TBC1D21: variants seen among roughly 807,000 people sequenced by gnomAD.
TBC1D21 encodes TBC1 domain family member 21, also known as male germ cell Rab GTPase-activating protein.
TBC1D21 carries 38 observed loss-of-function variants against 46.0 expected under a neutral mutation model. The observed-to-expected ratio is 0.83, with a 90% confidence interval of 0.64 to 1.08. The LOEUF (loss-of-function observed/expected upper bound fraction) is 1.08, where lower values mean the gene tolerates loss of function less well. TBC1D21 is among the 50% of genes least tolerant of loss of function. The pLI, the probability that TBC1D21 is intolerant of heterozygous loss-of-function variation, is 0.00. For synonymous variants in TBC1D21, 151 were observed against 157.2 expected, an observed-to-expected ratio of 0.96 and a Z score of 0.29; for missense variants, 415 against 417.9, an observed-to-expected ratio of 0.99 and a Z score of 0.06.
In TBC1D21 at chr15:73,884,777, C is replaced by T. The variant is rs768627858; in HGVS notation, c.368-4C>T. ...CACCTACTTGCCCCTTGCTTCCAAC[C>T]TAGCACGTGACATTCAGAAAATCTA... On this transcript the variant is annotated splice_polypyrimidine_tract_variant and splice_region_variant and intron_variant, in intron 4 of 10. Coordinates refer to ENST00000300504, the MANE Select transcript of TBC1D21 (RefSeq NM_153356.3). 50 of 1,612,554 alleles carry T rather than the reference C, an allele frequency of 3.1e-5. No homozygotes were observed. Among genetic ancestry groups the T allele is most frequent in the Admixed American group, 1.0e-4 (6 of 59,936 alleles).
the TBC1D21 span, among the ~76,000 whole-genome samples, chr15:73,904,229 G>T: frequency 2.0e-5 from 3 of 152,288 alleles, no homozygotes; most frequent in African/African-American, 7.2e-5. Flanking sequence ...AACTAACCAG[G>T]TTGGAGTGGG....
At chr15:73,878,534 T>C (rs2068102411) in intron 1 of TBC1D21, among the ~76,000 whole-genome samples, 1 of 152,222 alleles carries the variant, frequency 6.6e-6, no homozygotes, top group African/African-American at 2.4e-5. Flanking sequence ...GCATCTGAAA[T>C]ATGAAATACT....
Position 73,881,757 on chromosome 15 carries a change from T to G in TBC1D21, c.272+10T>G. The G allele has an allele frequency of 6.2e-7, 1 of 1,611,602 alleles. No homozygotes were observed. Among genetic ancestry groups the G allele is most frequent in the South Asian group, 1.1e-5 (1 of 90,964 alleles). ...TGGACAGCATGAGGAGGTAGAACAC[T>G]CCAGACCCTGCTGGGACAGGAGGGG... On this transcript the variant is annotated intron_variant, in intron 3 of 10. Coordinates refer to ENST00000300504, the MANE Select transcript of TBC1D21 (RefSeq NM_153356.3).
the TBC1D21 span, among the ~76,000 whole-genome samples, chr15:73,902,928 T>C: frequency 6.6e-6 from 1 of 152,196 alleles, no homozygotes; most frequent in African/African-American, 2.4e-5. Flanking sequence ...GTCTGGCAGC[T>C]GGTGGGGTGA....
At chr15:73,899,836 T>A in the TBC1D21 span, among the ~76,000 whole-genome samples, 1 of 151,788 alleles carries the variant, frequency 6.6e-6, no homozygotes, top group Admixed American at 6.6e-5. Flanking sequence ...GTAAGTGGGG[T>A]AATTAAAAAC....
At chr15:73,888,855 G>T (rs914330118) in intron 10 of TBC1D21, among the ~76,000 whole-genome samples, 14 of 152,142 alleles carry the variant, frequency 9.2e-5, no homozygotes, top group African/African-American at 3.4e-4. Flanking sequence ...CATGCATGTT[G>T]CTCCTCATGG....
chr15:73,884,395 A>T, intron 4 of TBC1D21, 150 bp downstream of exon 4: 1 of 739,728 alleles, frequency 1.4e-6, no homozygotes, highest in South Asian at 1.6e-5. Flanking sequence ...AACCTTGGTT[A>T]ATCCACCCCA....
the TBC1D21 span, among the ~76,000 whole-genome samples, chr15:73,895,971 G>A: frequency 8.5e-5 from 13 of 152,342 alleles, no homozygotes; most frequent in African/African-American, 2.9e-4. Flanking sequence ...GGATGATGGA[G>A]GTGGTGGAGG....
intron 1 of TBC1D21, among the ~76,000 whole-genome samples, chr15:73,875,405 G>A (rs2068044061): frequency 6.6e-6 from 1 of 152,158 alleles, no homozygotes; most frequent in Admixed American, 6.5e-5. Flanking sequence ...GTGGCTATGA[G>A]TATTCAGAGA....
the TBC1D21 span, among the ~76,000 whole-genome samples, chr15:73,894,335 A>G: frequency 6.6e-6 from 1 of 152,122 alleles, no homozygotes; most frequent in Non-Finnish European, 1.5e-5. Context: ...CTGAAGCCCC[A>G]CCGATGGGCC....
intron 1 of TBC1D21, among the ~76,000 whole-genome samples, chr15:73,879,901 T>C (rs943315257): frequency 6.6e-6 from 1 of 151,856 alleles, no homozygotes; most frequent in African/African-American, 2.4e-5. Context: ...GTTGTTGTTG[T>C]TGTTAGAGAT....
At chr15:73,901,497 T>G in the TBC1D21 span, among the ~76,000 whole-genome samples, 3 of 152,256 alleles carry the variant, frequency 2.0e-5, no homozygotes, top group Non-Finnish European at 4.4e-5. Context: ...TTTCCATGGC[T>G]GCTGTAACGA....
chr15:73,898,235 G>A, the TBC1D21 span, among the ~76,000 whole-genome samples: 1 of 152,262 alleles, frequency 6.6e-6, no homozygotes, highest in African/African-American at 2.4e-5. Flanking sequence ...TGTGGCACAG[G>A]GTGCAGCTGT....
chr15:73,894,090 G>A (rs1489469190), downstream of TBC1D21, among the ~76,000 whole-genome samples: 1 of 152,212 alleles, frequency 6.6e-6, no homozygotes, highest in Non-Finnish European at 1.5e-5. Context: ...GGAACCTGAG[G>A]CACTGGGTTA....
rs554219515 is a variant in TBC1D21, at chr15:73,888,828, G to A, written c.979-241G>A. Among the ~76,000 whole-genome samples, 13 of 152,138 alleles carry A rather than the reference G, an allele frequency of 8.5e-5. No homozygotes were observed. The South Asian group carries it at 2.1e-3, about 24-fold the overall frequency. On this transcript the variant is annotated intron_variant, in intron 10 of 10. Coordinates refer to ENST00000300504, the MANE Select transcript of TBC1D21 (RefSeq NM_153356.3). ...ACTTCAGAGACACAGACTGTGCCAC[G>A]TTCTCTACCACTGACCCATGCATGT...
rs145753636 is a variant in TBC1D21, at chr15:73,888,477, C to T, written c.942C>T (p.Ala314=). 1.5e-5 allele frequency: 24 copies of T among 1,613,948 alleles called. No homozygotes were observed. The highest frequency in any genetic ancestry group is 1.9e-5 in the Non-Finnish European group (23 of 1,180,014). Residue 314 remains alanine (A), a synonymous_variant, in exon 10 of 11, where the codon GCC becomes GCT. Coordinates refer to ENST00000300504, the MANE Select transcript of TBC1D21 (RefSeq NM_153356.3). Reference sequence around the variant, plus strand: ...TTGATGCTGATGAGCTGATCTCTGCCGCCTGCGTGGTTTATGCTGAGCTCA... The same window carrying T: ...TTGATGCTGATGAGCTGATCTCTGCTGCCTGCGTGGTTTATGCTGAGCTCA... ...IDLDADELIS[A]ACVVYAELIQ... is the part of the protein sequence containing the mutation.
chr15:73,885,815 T>TAC (rs3057447), intron 6 of TBC1D21, among the ~76,000 whole-genome samples: 2,998 of 148,124 alleles, frequency 0.02, 47 homozygotes, highest in African/African-American at 0.041. Context: ...TACACACACA[T>TAC]ACACACACAC....
the TBC1D21 span, among the ~76,000 whole-genome samples, chr15:73,897,278 CCT>C: frequency 6.6e-6 from 1 of 152,190 alleles, no homozygotes. Flanking sequence ...CCTCTTTGAG[CCT>C]CTGTTTTCTC....
At chr15:73,874,491 A>G (rs2068022914) in intron 1 of TBC1D21, among the ~76,000 whole-genome samples, 1 of 152,216 alleles carries the variant, frequency 6.6e-6, no homozygotes, top group African/African-American at 2.4e-5. Flanking sequence ...TCTCATCACA[A>G]CTCTATGAAG....
Sources: gnomAD v4.1 joint callset for allele counts (sites outside exome capture counted in the v4.1 genomes callset) on GRCh38, gnomAD v4.1.1 for gene constraint, MANE v1.5 for transcripts, NCBI Gene and HGNC (gene_info 2026-07-23, HGNC 2026-07-21) for gene names.